AHSP: variants seen among roughly 807,000 people sequenced by gnomAD.
The protein encoded by AHSP is alpha hemoglobin stabilizing protein.
A neutral mutation model predicts 2.7 loss-of-function variants in AHSP; 5 were observed. The observed-to-expected ratio is 1.86, with a 90% CI of 0.97 to 3.92. The LOEUF (loss-of-function observed/expected upper bound fraction) is 3.92. Among genes scored for constraint, AHSP ranks in the 30% most tolerant of loss-of-function variants. The pLI, the probability that AHSP is intolerant of heterozygous loss-of-function variation, is 0.00. For synonymous variants in AHSP, 50 were observed against 48.4 expected (o/e 1.03, Z -0.14); for missense variants, 134 against 119.8 (o/e 1.12, Z -0.55).
chr16:31,528,417 C>T, intron 2 of AHSP, 41 bp from the exon 3 acceptor site: 1 of 1,561,882 alleles, frequency 6.4e-7, no homozygotes, highest in Admixed American at 1.7e-5. Context: ...CCATTGCTGA[C>T]CACATTCTCC....
chr16:31,528,329 C>T (rs1426239883), intron 2 of AHSP, 115 bp downstream of exon 2: 2 of 1,304,860 alleles, frequency 1.5e-6, no homozygotes, highest in East Asian at 2.3e-5. Flanking sequence ...ATGGAAACAA[C>T]GAGAGACACG....
chr16:31,528,665 C>T lies in AHSP; in HGVS notation c.283C>T (p.Pro95Ser), dbSNP rs778027714. ...GGACTTCCTGAAGTCTCATGAGCTCCCGAGTCACCCACCGCCCTCCTCCTA... is the reference window on the plus strand; with the variant it reads ...GGACTTCCTGAAGTCTCATGAGCTCTCGAGTCACCCACCGCCCTCCTCCTA... ...YRDFLKSHEL[P>S]SHPPPSS The change falls in exon 3 of 3, where the codon CCG (proline) becomes TCG (serine). Residue 95 changes from proline (P) to serine (S), a missense_variant. Pro to Ser is a moderately conservative substitution (Grantham distance 74). Coordinates refer to ENST00000302312, the MANE Select transcript of AHSP (RefSeq NM_016633.4). The T allele has an allele frequency of 6.2e-7, 1 of 1,613,418 alleles. No homozygotes were observed. The highest frequency in any genetic ancestry group is 8.5e-7 in the Non-Finnish European group (1 of 1,179,994).
rs2142688191 is a variant in AHSP at position 31,528,143 on chromosome 16, G to A, written c.4G>A (p.Ala2Thr). 2.5e-6 allele frequency: 4 copies of A among 1,613,468 alleles called. No individual in the cohort carries two copies. The highest frequency in any genetic ancestry group is 2.5e-6 in the Non-Finnish European group (3 of 1,179,568). Residue 2 changes from alanine to threonine, a missense_variant, in exon 2 of 3, where the codon GCT becomes ACT. Ala to Thr is a moderately conservative substitution (Grantham distance 58). Transcript: ENST00000302312. M[A>T]LLKANKDLIS... ...ACCCTTTTCTCTACCCAGGCAGATG[G>A]CTCTTCTTAAGGCCAATAAGGATCT...
Position 31,528,194 on chromosome 16 carries a change from A to G in AHSP, c.55A>G (p.Ser19Gly). The G allele has an allele frequency of 6.2e-7, 1 of 1,614,098 alleles. No homozygotes were observed. Among genetic ancestry groups the G allele is most frequent in the Non-Finnish European group, 8.5e-7 (1 of 1,180,006 alleles). Residue 19 changes from serine to glycine, a missense_variant, in exon 2 of 3, where the codon AGC (serine) becomes GGC (glycine). Transcript: ENST00000302312. ...DLISAGLKEF[S>G]VLLNQQVFND... ...CATTTCCGCAGGATTGAAGGAGTTC[A>G]GCGTTCTGCTGAATCAGCAGGTGAG...
Position 31,528,654 on chromosome 16 carries a change from C to CCCTGGAAGCT in AHSP, c.272_273insCCTGGAAGCT (p.His92LeufsTer5), listed in dbSNP as rs1356443654. 1 of 1,613,842 alleles carries CCCTGGAAGCT rather than the reference C, an allele frequency of 6.2e-7. No individual in the cohort carries two copies. Among genetic ancestry groups the CCCTGGAAGCT allele is most frequent in the Non-Finnish European group, 8.5e-7 (1 of 1,180,016 alleles). ...GCCAAGTACAGGGACTTCCTGAAGT[C>CCCTGGAAGCT]TCATGAGCTCCCGAGTCACCCACCG... On this transcript the variant is annotated frameshift_variant, in exon 3 of 3. Coordinates refer to ENST00000302312, the MANE Select transcript of AHSP (RefSeq NM_016633.4). LOFTEE classifies it low-confidence loss of function (END_TRUNC).
chr16:31,528,127 T>C lies in AHSP; in HGVS notation c.-4-9T>C. 1.2e-6 allele frequency: 2 copies of C among 1,609,916 alleles called. No individual in the cohort carries two copies. The highest frequency in any genetic ancestry group is 1.7e-6 in the Non-Finnish European group (2 of 1,176,512). On this transcript the variant is annotated splice_polypyrimidine_tract_variant and intron_variant, in intron 1 of 2. Transcript: ENST00000302312. ...CAGATATGTAAATTCTACCCTTTTC[T>C]CTACCCAGGCAGATGGCTCTTCTTA...
chr16:31,528,083 T>C, intron 1 of AHSP, 53 bp from the exon 2 acceptor site: 1 of 1,421,056 alleles, frequency 7.0e-7, no homozygotes. Flanking sequence ...TTGGGGGAAA[T>C]ACCCAGTGAG....
At position 31,528,116 on chromosome 16, in the gene AHSP, C is replaced by T. The variant is rs778783794; in HGVS notation, c.-4-20C>T. On this transcript the variant is annotated intron_variant, in intron 1 of 2. Transcript: ENST00000302312. ...GAGGAGGGAAACAGATATGTAAATT[C>T]TACCCTTTTCTCTACCCAGGCAGAT... The T allele has an allele frequency of 6.3e-7, 1 of 1,591,186 alleles. No homozygotes were observed. Among genetic ancestry groups the T allele is most frequent in the South Asian group, 1.1e-5 (1 of 90,596 alleles).
Position 31,528,527 on chromosome 16 carries a change from A to C in AHSP, c.145A>C (p.Ile49Leu), listed in dbSNP as rs1217850877. The C allele has an allele frequency of 6.2e-7, 1 of 1,614,172 alleles. No individual in the cohort carries two copies. The highest frequency in any genetic ancestry group is 1.1e-5 in the South Asian group (1 of 91,084). ...TVVEDWMNFY[I>L]NYYRQQVTGE... Reference sequence around the variant, plus strand: ...GGTGGAGGACTGGATGAACTTCTACATCAACTATTACAGGCAGCAGGTGAC... The same window carrying C: ...GGTGGAGGACTGGATGAACTTCTACCTCAACTATTACAGGCAGCAGGTGAC... The change falls in exon 3 of 3, where the codon ATC becomes CTC. Residue 49 changes from isoleucine to leucine, a missense_variant. Ile to Leu is a conservative substitution (Grantham distance 5). Transcript: ENST00000302312.
chr16:31,528,762 T>A lies in AHSP; in HGVS notation c.*71T>A. ...TCCTTAGGCTGTGCTCCTGCCACTC[T>A]ACCCTGACACCTCAATAAAGACCAG... On this transcript the variant is annotated 3_prime_UTR_variant, in exon 3 of 3. Transcript: ENST00000302312. 1 of 1,339,700 alleles carries A rather than the reference T, an allele frequency of 7.5e-7. No homozygotes were observed. Among genetic ancestry groups the A allele is most frequent in the Non-Finnish European group, 1.0e-6 (1 of 960,258 alleles). The allele number at this position is 1,339,700 out of a possible 1,614,324, so 83.0% of individuals were successfully genotyped here. A position where few individuals can be genotyped will look rare whatever the true frequency, so the allele number is the denominator to read the frequency against.
chr16:31,527,946 G>C lies in AHSP; in HGVS notation c.-21G>C. The stretch of plus-strand genomic sequence containing the variant: ...CAAGAGTGTGGGTGAGACATATACA[G>C]CCTGTTAGACCTGAAGGTGAGCCCA... On this transcript the variant is annotated 5_prime_UTR_variant, in exon 1 of 3. Coordinates refer to ENST00000302312, the MANE Select transcript of AHSP (RefSeq NM_016633.4). 1.6e-6 allele frequency: 1 copy of C among 641,432 alleles called. No homozygotes were observed. Among genetic ancestry groups the C allele is most frequent in the South Asian group, 1.7e-5 (1 of 58,752 alleles). 39.7% of individuals were successfully genotyped at this position (641,432 alleles called of 1,614,324 possible). A position where few individuals can be genotyped will look rare whatever the true frequency, so the allele number is the denominator to read the frequency against.
chr16:31,528,492 T>C lies in AHSP; in HGVS notation c.110T>C (p.Met37Thr). 6.2e-7 allele frequency: 1 copy of C among 1,614,162 alleles called. No individual in the cohort carries two copies. Among genetic ancestry groups the C allele is most frequent in the South Asian group, 1.1e-5 (1 of 91,082 alleles). Residue 37 changes from methionine (M) to threonine (T), a missense_variant, in exon 3 of 3, where the codon ATG (methionine) becomes ACG (threonine). Transcript: ENST00000302312. ...FNDPLVSEED[M>T]VTVVEDWMNF... ...GATCCTCTCGTCTCTGAAGAAGACA[T>C]GGTGACTGTGGTGGAGGACTGGATG... is the stretch of plus-strand genomic sequence containing the variant.
rs756537275 is a variant in AHSP, at chr16:31,528,646, C to T, written c.264C>T (p.Phe88=). The T allele has an allele frequency of 2.5e-6, 4 of 1,613,940 alleles. No individual in the cohort carries two copies. In the East Asian group the frequency reaches 8.9e-5, roughly 36 times the overall value. The change falls in exon 3 of 3, where the codon TTC becomes TTT. Residue 88 remains phenylalanine (F), a synonymous_variant. Transcript: ENST00000302312. ...ANPFLAKYRD[F]LKSHELPSHP... ...CTTTCCTGGCCAAGTACAGGGACTT[C>T]CTGAAGTCTCATGAGCTCCCGAGTC...
At chr16:31,528,299 G>A in intron 2 of AHSP, 85 bp downstream of exon 2, 2 of 1,393,754 alleles carry the variant, frequency 1.4e-6, no homozygotes, top group Non-Finnish European at 2.0e-6. Flanking sequence ...ATTGGAGCTG[G>A]TGAAGTAATG....
chr16:31,528,534 A>C lies in AHSP; in HGVS notation c.152A>C (p.Tyr51Ser). 1 of 1,614,180 alleles carries C rather than the reference A, an allele frequency of 6.2e-7. No individual in the cohort carries two copies. The highest frequency in any genetic ancestry group is 8.5e-7 in the Non-Finnish European group (1 of 1,180,032). The change falls in exon 3 of 3, where the codon TAT (tyrosine) becomes TCT (serine). Residue 51 changes from tyrosine (Y) to serine (S), a missense_variant. By Grantham distance (144) the Tyr-to-Ser change is moderately radical. Coordinates refer to ENST00000302312, the MANE Select transcript of AHSP (RefSeq NM_016633.4). ...VEDWMNFYIN[Y>S]YRQQVTGEPQ... is the part of the protein sequence containing the mutation. The stretch of plus-strand genomic sequence containing the variant: ...GACTGGATGAACTTCTACATCAACT[A>C]TTACAGGCAGCAGGTGACAGGGGAG...
At chr16:31,528,337 A>G (rs2082741282) in intron 2 of AHSP, 121 bp from the exon 3 acceptor site, 3 of 1,296,602 alleles carry the variant, frequency 2.3e-6, no homozygotes, top group Non-Finnish European at 3.3e-6. Context: ...AACGAGAGAC[A>G]CGGGATACAA....
At position 31,528,232 on chromosome 16, in the gene AHSP, A is replaced by G. The variant is rs1283275636; in HGVS notation, c.75+18A>G. On this transcript the variant is annotated intron_variant, in intron 2 of 2. Transcript: ENST00000302312. The stretch of plus-strand genomic sequence containing the variant: ...ATCAGCAGGTGAGTCCAAGCTTTCC[A>G]TTTCAAAGGACTGGCCTGGAGACTG... 1 of 1,610,378 alleles carries G rather than the reference A, an allele frequency of 6.2e-7. No individual in the cohort carries two copies. The highest frequency in any genetic ancestry group is 1.7e-5 in the Admixed American group (1 of 60,024).
At chr16:31,528,090 T>C in intron 1 of AHSP, 46 bp from the exon 2 acceptor site, 6 of 1,465,950 alleles carry the variant, frequency 4.1e-6, no homozygotes, top group Non-Finnish European at 4.8e-6. Flanking sequence ...AAATACCCAG[T>C]GAGGAGGGAA....
Position 31,528,159 on chromosome 16 carries a change from A to G in AHSP, c.20A>G (p.Asn7Ser), listed in dbSNP as rs769329509. 61 of 1,613,946 alleles carry G rather than the reference A, an allele frequency of 3.8e-5. No individual in the cohort carries two copies. Among genetic ancestry groups the G allele is most frequent in the Non-Finnish European group, 4.9e-5 (58 of 1,179,998 alleles). Residue 7 changes from asparagine to serine, a missense_variant, in exon 2 of 3, where the codon AAT becomes AGT. Transcript: ENST00000302312. Reference protein sequence around the residue: MALLKANKDLISAGLKE... With the variant: MALLKASKDLISAGLKE... ...AGGCAGATGGCTCTTCTTAAGGCCA[A>G]TAAGGATCTCATTTCCGCAGGATTG...
Sources: allele counts gnomAD v4.1 joint callset, GRCh38; gene constraint gnomAD v4.1.1; transcripts MANE v1.5; gene names NCBI Gene and HGNC (gene_info 2026-07-23, HGNC 2026-07-21).